The following PRKCB variants were observed in gnomAD, a reference collection of about 807,000 sequenced individuals.
PRKCB encodes protein kinase C beta type.
A neutral mutation model predicts 81.5 loss-of-function variants in PRKCB; 13 were observed. The ratio of observed to expected loss-of-function variants is 0.16; its 90% CI spans 0.10 to 0.25. The LOEUF (loss-of-function observed/expected upper bound fraction) is 0.25. PRKCB is among the 10% of genes least tolerant of loss of function. PRKCB has a pLI of 1.00. For missense variants in PRKCB, 509 were observed against 875.7 expected (o/e 0.58, Z 5.29); for synonymous variants, 335 against 321.4 (o/e 1.04, Z -0.45).
intron 2 of PRKCB, among the ~76,000 whole-genome samples, chr16:23,907,491 G>A (rs1404905627): frequency 6.6e-6 from 1 of 152,184 alleles, no homozygotes; most frequent in Non-Finnish European, 1.5e-5. Context: ...GTCTCAAACT[G>A]CTGGCCACAA....
At chr16:23,860,300 C>T (rs72777934) in intron 2 of PRKCB, among the ~76,000 whole-genome samples, 26,813 of 151,912 alleles carry the variant, frequency 0.18, 2,882 homozygotes, top group East Asian at 0.33. Context: ...GTGCTTGATA[C>T]ATAGAAATAT....
chr16:24,159,650 T>C (rs1480870866), intron 10 of PRKCB, among the ~76,000 whole-genome samples: 2 of 152,226 alleles, frequency 1.3e-5, no homozygotes. Flanking sequence ...AAGCCTTTGC[T>C]AACCTACCTG....
At chr16:24,103,120 A>C (rs1332681334) in intron 7 of PRKCB, among the ~76,000 whole-genome samples, 1 of 152,110 alleles carries the variant, frequency 6.6e-6, no homozygotes, top group Non-Finnish European at 1.5e-5. Flanking sequence ...TCATCCTCTC[A>C]CTTCGGCCTC....
intron 6 of PRKCB, 66 bp from the exon 7 acceptor site, chr16:24,094,097 G>A (rs1331533247): frequency 3.2e-6 from 5 of 1,545,220 alleles, no homozygotes; most frequent in Non-Finnish European, 4.4e-6. Flanking sequence ...TTGTCCTCTT[G>A]TACATTTATT....
At chr16:24,021,694 C>T (rs1965406881) in intron 3 of PRKCB, among the ~76,000 whole-genome samples, 1 of 152,006 alleles carries the variant, frequency 6.6e-6, no homozygotes, top group Admixed American at 6.6e-5. Flanking sequence ...ACAAACTTGG[C>T]TTCCAGTCCT....
intron 5 of PRKCB, among the ~76,000 whole-genome samples, chr16:24,091,299 AGATT>A (rs1966374144): frequency 6.6e-6 from 1 of 152,202 alleles, no homozygotes; most frequent in Admixed American, 6.5e-5. Context: ...AGATTTCCTA[AGATT>A]GAACCATCTT....
At chr16:23,852,168 G>C (rs1425144513) in intron 2 of PRKCB, among the ~76,000 whole-genome samples, 1 of 152,180 alleles carries the variant, frequency 6.6e-6, no homozygotes, top group African/African-American at 2.4e-5. Context: ...AAAAGAAAGG[G>C]TGAGAGTGGG....
At chr16:23,990,586 C>T (rs1248278268) in intron 3 of PRKCB, among the ~76,000 whole-genome samples, 1 of 150,460 alleles carries the variant, frequency 6.6e-6, no homozygotes, top group African/African-American at 2.5e-5. Context: ...GCTCTGTTGC[C>T]CAGGCCAGAG....
intron 12 of PRKCB, among the ~76,000 whole-genome samples, chr16:24,176,264 G>A (rs1967529508): frequency 2.0e-5 from 3 of 152,078 alleles, no homozygotes; most frequent in African/African-American, 7.2e-5. Flanking sequence ...GCATGTGGGT[G>A]ATCCTAGTGA....
intron 2 of PRKCB, among the ~76,000 whole-genome samples, chr16:23,938,880 A>G (rs1964100233): frequency 6.6e-6 from 1 of 152,034 alleles, no homozygotes; most frequent in African/African-American, 2.4e-5. Context: ...TACGGCAAAA[A>G]AGAAAGAAAG....
At position 24,219,198 on chromosome 16, in the gene PRKCB, A is replaced by C; in HGVS notation, c.*4382A>C. 1 of 985,418 alleles carries C rather than the reference A, an allele frequency of 1.0e-6. No individual in the cohort carries two copies. 61.0% of individuals were successfully genotyped at this position (985,418 alleles called of 1,614,324 possible). A position where few individuals can be genotyped will look rare whatever the true frequency, so the allele number is the denominator to read the frequency against. ...TCTTCTCCACCTCCCTACTGAACAAAAAAAGAAATGCCAGACTTACTAGGA... is the reference window on the plus strand; with the variant it reads ...TCTTCTCCACCTCCCTACTGAACAACAAAAGAAATGCCAGACTTACTAGGA... On this transcript the variant is annotated 3_prime_UTR_variant, in exon 17 of 17. Coordinates refer to ENST00000643927, the MANE Select transcript of PRKCB (RefSeq NM_002738.7).
chr16:24,127,328 C>T (rs1966846265), intron 9 of PRKCB, among the ~76,000 whole-genome samples: 2 of 152,088 alleles, frequency 1.3e-5, no homozygotes. Flanking sequence ...ATAAGCAATG[C>T]ATTCACATGA....
intron 9 of PRKCB, among the ~76,000 whole-genome samples, chr16:24,143,102 T>G (rs1966927086): frequency 6.6e-6 from 1 of 152,118 alleles, no homozygotes; most frequent in Non-Finnish European, 1.5e-5. Context: ...CCTAAAGGTC[T>G]CTTTCTCTTA....
At position 23,844,336 on chromosome 16, in the gene PRKCB, A is replaced by G. The variant is rs143121592; in HGVS notation, c.205+6930A>G. 4.4e-4 allele frequency among the ~76,000 whole-genome samples: 67 copies of G among 152,310 alleles called. 1 individual carries two copies. The East Asian group carries it at 0.013, about 29-fold the overall frequency. ...CACAGTGTTTACATATGGCATTTGG[A>G]GGTGTGATGGCTGCTTGAAAATCCA... On this transcript the variant is annotated intron_variant, in intron 2 of 16. Coordinates refer to ENST00000643927, the MANE Select transcript of PRKCB (RefSeq NM_002738.7).
At chr16:23,974,504 G>A (rs1217516738) in intron 2 of PRKCB, among the ~76,000 whole-genome samples, 2 of 152,156 alleles carry the variant, frequency 1.3e-5, no homozygotes, top group South Asian at 2.1e-4. Context: ...AAGAGGGCAG[G>A]ATCAGGACTG....
intron 9 of PRKCB, among the ~76,000 whole-genome samples, chr16:24,152,153 A>G (rs369895323): frequency 6.6e-6 from 1 of 152,266 alleles, no homozygotes; most frequent in East Asian, 1.9e-4. Flanking sequence ...AATTTATGAA[A>G]AAGAGGTTTA....
intron 8 of PRKCB, among the ~76,000 whole-genome samples, chr16:24,114,363 G>A (rs1429519574): frequency 6.6e-6 from 1 of 151,600 alleles, no homozygotes; most frequent in Admixed American, 6.6e-5. Context: ...TGGCTCTATT[G>A]ACAGAATGAT....
rs1199078859 is a variant in PRKCB at position 24,216,159 on chromosome 16, G to T, written c.*1343G>T. ...TGTTCAGCCACTCGGAGGGGCGGGG[G>T]CTGTGGCCCATTCAGGGGCTGCTGG... On this transcript the variant is annotated 3_prime_UTR_variant, in exon 17 of 17. Transcript: ENST00000643927. The T allele has an allele frequency of 2.0e-6, 2 of 985,564 alleles. No individual in the cohort carries two copies. The highest frequency in any genetic ancestry group is 9.4e-5 in the South Asian group (2 of 21,288). 61.1% of individuals were successfully genotyped at this position (985,564 alleles called of 1,614,324 possible).
chr16:23,904,641 T>G (rs1963528955), intron 2 of PRKCB, among the ~76,000 whole-genome samples: 1 of 152,116 alleles, frequency 6.6e-6, no homozygotes. Context: ...CCAGCCTGGG[T>G]GACAGAGCGA....
Sources: gnomAD v4.1 joint callset for allele counts (sites outside exome capture counted in the v4.1 genomes callset) on GRCh38, gnomAD v4.1.1 for gene constraint, MANE v1.5 for transcripts, NCBI Gene and HGNC (gene_info 2026-07-23, HGNC 2026-07-21) for gene names.